CNNM4: variants seen among roughly 807,000 people sequenced by gnomAD.
The protein encoded by CNNM4 is cyclin and CBS domain divalent metal cation transport mediator 4.
In CNNM4, 32 loss-of-function variants were observed where a neutral mutation model predicts 53.7. The observed-to-expected ratio is 0.60, with a 90% confidence interval of 0.45 to 0.80. The LOEUF is 0.80. Among genes scored for constraint, CNNM4 ranks in the 30% least tolerant of loss-of-function variants. The probability of loss-of-function intolerance (pLI) is 0.00; values close to 1 mark genes in which losing one functional copy is unlikely to be tolerated. For missense variants in CNNM4, 784 were observed against 1,022.0 expected, an observed-to-expected ratio of 0.77 and a Z score of 3.17; for synonymous variants, 410 against 440.0, an observed-to-expected ratio of 0.93 and a Z score of 0.85.
At chr2:96,794,952 C>A (rs1000156632) in intron 1 of CNNM4, among the ~76,000 whole-genome samples, 39 of 152,222 alleles carry the variant, frequency 2.6e-4, no homozygotes, top group African/African-American at 8.2e-4. Context: ...AAATCCAAAA[C>A]TTTTTGAGTA....
In CNNM4 at chr2:96,795,497, C is replaced by G. The variant is rs868301637; in HGVS notation, c.1403-1515C>G. ...CTTTCACAATGCAGTACCCCCCCCC[C>G]CATCACATGGGGTGTATTGTGAGAA... is the stretch of plus-strand genomic sequence containing the variant. On this transcript the variant is annotated intron_variant, in intron 1 of 6. Transcript: ENST00000377075. 1.1e-4 allele frequency among the ~76,000 whole-genome samples: 17 copies of G among 152,176 alleles called. No individual in the cohort carries two copies. In the South Asian group the frequency reaches 3.1e-3, roughly 28 times the overall value.
In CNNM4 at chr2:96,762,212, T is replaced by C; in HGVS notation, c.1213T>C (p.Tyr405His). Residue 405 changes from tyrosine to histidine, a missense_variant, in exon 1 of 7, where the codon TAT becomes CAT. Physicochemically the swap from Tyr to His is moderately conservative, Grantham distance 83. This residue lies in a region of CNNM4 where 473 missense variants were observed against 624.6 expected (regional missense o/e 0.76). Transcript: ENST00000377075. ...NTMSEIMESGYTRIPVFEDEQ... is the reference protein window; with the variant it reads ...NTMSEIMESGHTRIPVFEDEQ... ...CATGTCGGAGATAATGGAAAGCGGCTATACTCGCATCCCGGTGTTCGAAGA... is the reference window on the plus strand; with the variant it reads ...CATGTCGGAGATAATGGAAAGCGGCCATACTCGCATCCCGGTGTTCGAAGA... The C allele has an allele frequency of 6.2e-7, 1 of 1,614,172 alleles. No individual in the cohort carries two copies. Among genetic ancestry groups the C allele is most frequent in the East Asian group, 2.2e-5 (1 of 44,886 alleles).
chr2:96,801,167 C>T lies in CNNM4; in HGVS notation c.1948+1519C>T, dbSNP rs911383724. The T allele has an allele frequency of 5.1e-6, 5 of 974,102 alleles. No homozygotes were observed. The South Asian group carries it at 1.4e-4, about 28-fold the overall frequency. The allele number at this position is 974,102 out of a possible 1,614,324, so 60.3% of individuals were successfully genotyped here. A position where few individuals can be genotyped will look rare whatever the true frequency, so the allele number is the denominator to read the frequency against. ...GGCACAGCTGAGGGTCACGCTGCCACCTGCTGCCTGTGCCTGCACACTGCA... is the reference window on the plus strand; with the variant it reads ...GGCACAGCTGAGGGTCACGCTGCCATCTGCTGCCTGTGCCTGCACACTGCA... On this transcript the variant is annotated intron_variant, in intron 5 of 6. Transcript: ENST00000377075. This position sits in a 1 kb window ranked among gnomAD's most constrained non-coding sequence, Gnocchi z 5.6.
intron 3 of CNNM4, 114 bp from the exon 4 acceptor site, chr2:96,798,943 G>A: frequency 9.5e-7 from 1 of 1,056,314 alleles, no homozygotes. Flanking sequence ...GAGCAGGGCG[G>A]GAGTCGTCTG....
chr2:96,773,738 G>A (rs1164541702), intron 1 of CNNM4, among the ~76,000 whole-genome samples: 1 of 151,746 alleles, frequency 6.6e-6, no homozygotes, highest in East Asian at 1.9e-4. Flanking sequence ...ACCTACTCAG[G>A]AGGCTAAGAC....
At chr2:96,798,296 T>C (rs1415566467) in intron 3 of CNNM4, 1 of 166,408 alleles carries the variant, frequency 6.0e-6, no homozygotes, top group Non-Finnish European at 1.3e-5. Flanking sequence ...CCATCAGGGC[T>C]TGTGGAATGG....
chr2:96,808,645 C>T lies in CNNM4; in HGVS notation c.2033C>T (p.Thr678Ile), dbSNP rs754054050. ...CGCACAGACGTCTCAACTGCAGCAA[C>T]CTTGGCAGGCAGCAGCAACCAGTTT... ...PDRTDVSTAATLAGSSNQFGS... is the reference protein window; with the variant it reads ...PDRTDVSTAAILAGSSNQFGS... The change falls in exon 6 of 7, where the codon ACC becomes ATC. Residue 678 changes from threonine (T) to isoleucine (I), a missense_variant. By Grantham distance (89) the Thr-to-Ile change is moderately conservative. Transcript: ENST00000377075. The surrounding 1 kb of genome is among the most constrained non-coding windows in gnomAD (Gnocchi z 4.9). 1.9e-6 allele frequency: 3 copies of T among 1,614,200 alleles called. No homozygotes were observed. The East Asian group carries it at 6.7e-5, about 36-fold the overall frequency.
intron 1 of CNNM4, among the ~76,000 whole-genome samples, chr2:96,782,005 A>T (rs1187315516): frequency 6.6e-6 from 1 of 152,134 alleles, no homozygotes; most frequent in Non-Finnish European, 1.5e-5. Flanking sequence ...TGATTGAATA[A>T]CCTATTTTCT....
chr2:96,806,535 A>ACACACG (rs374638753), intron 5 of CNNM4, among the ~76,000 whole-genome samples: 1,874 of 123,844 alleles, frequency 0.015, 16 homozygotes, highest in African/African-American at 0.029. Context: ...ACACACACAC[A>ACACACG]CGCGCGCGCG....
intron 1 of CNNM4, among the ~76,000 whole-genome samples, chr2:96,793,336 T>C (rs1249760071): frequency 1.3e-5 from 2 of 151,986 alleles, no homozygotes; most frequent in African/African-American, 2.4e-5. Context: ...AATTAGAAAA[T>C]AGGAAAAACA....
chr2:96,809,660 G>A lies in CNNM4; in HGVS notation c.*143G>A. On this transcript the variant is annotated 3_prime_UTR_variant, in exon 7 of 7. Transcript: ENST00000377075. ...GCCAGATGGCCCCCAGCCTATGGGG[G>A]ATCTGGCCTCTGCCAGGGACCTCTG... 1.3e-6 allele frequency: 1 copy of A among 740,762 alleles called. No individual in the cohort carries two copies. Among genetic ancestry groups the A allele is most frequent in the Non-Finnish European group, 2.2e-6 (1 of 448,328 alleles). 45.9% of individuals were successfully genotyped at this position (740,762 alleles called of 1,614,324 possible).
Position 96,801,276 on chromosome 2 carries a change from G to A in CNNM4, c.1948+1628G>A, listed in dbSNP as rs1307880948. 1 of 333,990 alleles carries A rather than the reference G, an allele frequency of 3.0e-6. No individual in the cohort carries two copies. The highest frequency in any genetic ancestry group is 4.3e-6 in the Non-Finnish European group (1 of 234,494). 20.7% of individuals were successfully genotyped at this position (333,990 alleles called of 1,614,324 possible). A position where few individuals can be genotyped will look rare whatever the true frequency, so the allele number is the denominator to read the frequency against. On this transcript the variant is annotated intron_variant, in intron 5 of 6. Coordinates refer to ENST00000377075, the MANE Select transcript of CNNM4 (RefSeq NM_020184.4). This position sits in a 1 kb window ranked among gnomAD's most constrained non-coding sequence, Gnocchi z 5.6. Reference sequence around the variant, plus strand: ...ACCTCAGTGGCTCTGCTTGGCTGGGGCCCAATTTCTAGGCAGCTTTGCTGC... The same window carrying A: ...ACCTCAGTGGCTCTGCTTGGCTGGGACCCAATTTCTAGGCAGCTTTGCTGC...
chr2:96,762,527 C>T, intron 1 of CNNM4, 126 bp downstream of exon 1: 1 of 939,380 alleles, frequency 1.1e-6, no homozygotes. Flanking sequence ...CTATCGCTTC[C>T]TATGCTTCTG....
chr2:96,782,137 CTTTA>C (rs1220113070), intron 1 of CNNM4, among the ~76,000 whole-genome samples: 1 of 152,124 alleles, frequency 6.6e-6, no homozygotes, highest in Non-Finnish European at 1.5e-5. Context: ...TTGCCAATAT[CTTTA>C]TTTAGGATTT....
chr2:96,786,056 C>T (rs928063892), intron 1 of CNNM4, among the ~76,000 whole-genome samples: 4 of 151,836 alleles, frequency 2.6e-5, no homozygotes, highest in African/African-American at 9.7e-5. Flanking sequence ...CACTGCACTC[C>T]AGCCTGGGCA....
chr2:96,778,432 C>T (rs1030073777), intron 1 of CNNM4, among the ~76,000 whole-genome samples: 1 of 151,488 alleles, frequency 6.6e-6, no homozygotes, highest in Non-Finnish European at 1.5e-5. Context: ...GTGGCGGGCA[C>T]CTGTAATCCC....
At position 96,795,489 on chromosome 2, in the gene CNNM4, C is replaced by G. The variant is rs1259363622; in HGVS notation, c.1403-1523C>G. 3.6e-5 allele frequency among the ~76,000 whole-genome samples: 3 copies of G among 83,288 alleles called. No homozygotes were observed. In the African/African-American group the frequency reaches 5.6e-4, roughly 16 times the overall value. The allele number at this position is 83,288 out of a possible 152,430, so 54.6% of individuals were successfully genotyped here. A position where few individuals can be genotyped will look rare whatever the true frequency, so the allele number is the denominator to read the frequency against. ...GTGAAAAACTTTCACAATGCAGTAC[C>G]CCCCCCCCCATCACATGGGGTGTAT... On this transcript the variant is annotated intron_variant, in intron 1 of 6. Coordinates refer to ENST00000377075, the MANE Select transcript of CNNM4 (RefSeq NM_020184.4).
At position 96,810,828 on chromosome 2, in the gene CNNM4, TTAG is replaced by T. The variant is rs1011145346; in HGVS notation, c.*1317_*1319del. The stretch of plus-strand genomic sequence containing the variant: ...AGAGGTCATCCTGCCCTTGCTGAAG[TTAG>T]TAGTACTGTACTAAGAGCTCTGCCC... On this transcript the variant is annotated 3_prime_UTR_variant, in exon 7 of 7. Coordinates refer to ENST00000377075, the MANE Select transcript of CNNM4 (RefSeq NM_020184.4). The surrounding 1 kb of genome is among the most constrained non-coding windows in gnomAD (Gnocchi z 4.1). 1 of 152,202 alleles carries T rather than the reference TTAG, an allele frequency of 6.6e-6. No individual in the cohort carries two copies. Among genetic ancestry groups the T allele is most frequent in the African/African-American group, 2.4e-5 (1 of 41,446 alleles). 9.4% of individuals were successfully genotyped at this position (152,202 alleles called of 1,614,324 possible).
intron 5 of CNNM4, among the ~76,000 whole-genome samples, chr2:96,806,531 ACACACGCGCGCGCGCG>A (rs989021104): frequency 4.3e-5 from 6 of 140,490 alleles, no homozygotes; most frequent in African/African-American, 1.6e-4. Flanking sequence ...ACACACACAC[ACACACGCGCGCGCGCG>A]CGCGCGCCCT....
Sources: gnomAD v4.1 joint callset for allele counts (sites outside exome capture counted in the v4.1 genomes callset) on GRCh38, gnomAD v4.1.1 for gene constraint, gnomAD v4.1.1 regional missense constraint, Gnocchi (gnomAD v3.1) non-coding constraint, MANE v1.5 for transcripts, NCBI Gene and HGNC (gene_info 2026-07-23, HGNC 2026-07-21) for gene names.